EYS: variants seen among roughly 807,000 people sequenced by gnomAD.
EYS encodes EGF-like photoreceptor maintenance factor, also known as protein eyes shut homolog.
In EYS, 250 loss-of-function variants were observed where a neutral mutation model predicts 282.1. The observed-to-expected ratio is 0.89, with a 90% CI of 0.80 to 0.98. The LOEUF (loss-of-function observed/expected upper bound fraction) is 0.98, where lower values mean the gene tolerates loss of function less well. Ranked by LOEUF, EYS falls within the 50% of genes least tolerant of loss-of-function variation. The probability of loss-of-function intolerance (pLI) is 0.00; values close to 1 mark genes in which losing one functional copy is unlikely to be tolerated. For synonymous variants in EYS, 1,355 were observed against 1,282.9 expected, an observed-to-expected ratio of 1.06 and a Z score of -1.20; for missense variants, 4,016 against 3,709.0, an observed-to-expected ratio of 1.08 and a Z score of -2.15.
intron 31 of EYS, among the ~76,000 whole-genome samples, chr6:64,159,288 C>T (rs1470585675): frequency 6.6e-5 from 10 of 152,148 alleles, no homozygotes; most frequent in South Asian, 4.2e-4. Context: ...AGGTCAGGCG[C>T]GGTGGCTCAC....
chr6:63,956,045 G>A (rs575593860), intron 35 of EYS, among the ~76,000 whole-genome samples: 125 of 152,126 alleles, frequency 8.2e-4, no homozygotes, highest in Non-Finnish European at 1.7e-3. Flanking sequence ...AATCCAGCTC[G>A]AAGCAGCCTT....
intron 35 of EYS, among the ~76,000 whole-genome samples, chr6:63,900,903 CA>C (rs1220417364): frequency 6.6e-6 from 1 of 152,050 alleles, no homozygotes; most frequent in African/African-American, 2.4e-5. Context: ...TGGAAGAAAA[CA>C]ACAACCGTGA....
At chr6:65,303,322 C>T in intron 11 of EYS, 1 of 791,502 alleles carries the variant, frequency 1.3e-6, no homozygotes, top group Non-Finnish European at 2.3e-6. Context: ...TAACTCTCTC[C>T]ACCAAACAAG....
intron 26 of EYS, among the ~76,000 whole-genome samples, chr6:64,536,018 T>C (rs977656942): frequency 6.6e-6 from 1 of 152,066 alleles, no homozygotes; most frequent in African/African-American, 2.4e-5. Context: ...TAGACTCTGA[T>C]GAGAATATGA....
Position 64,683,043 on chromosome 6 carries a change from A to T in EYS, c.3444-56798T>A, listed in dbSNP as rs181042570. ...AGAGCATGAGGATATAGAAGGAAGC[A>T]GTAGCCGCAAGGCTGAGAGAGCCCA... On this transcript the variant is annotated intron_variant, in intron 22 of 42. Coordinates refer to ENST00000503581, the MANE Select transcript of EYS (RefSeq NM_001142800.2). Among the ~76,000 whole-genome samples the T allele has an allele frequency of 3.4e-4, 52 of 152,336 alleles. 1 individual carries two copies. In the East Asian group the frequency reaches 9.5e-3, roughly 28 times the overall value.
At position 63,995,983 on chromosome 6, in the gene EYS, G is replaced by A. The variant is rs532065142; in HGVS notation, c.6834+3092C>T. Among the ~76,000 whole-genome samples, 16 of 151,746 alleles carry A rather than the reference G, an allele frequency of 1.1e-4. 2 individuals are homozygous for A. The South Asian group carries it at 2.7e-3, about 26-fold the overall frequency. On this transcript the variant is annotated intron_variant, in intron 34 of 42. Coordinates refer to ENST00000503581, the MANE Select transcript of EYS (RefSeq NM_001142800.2). ...CACAAAGAAATGATAAATATTTGAG[G>A]TAATGGATATGCTAATTTGCTGAAT...
intron 31 of EYS, among the ~76,000 whole-genome samples, chr6:64,119,848 T>C (rs924801717): frequency 2.0e-5 from 3 of 152,228 alleles, no homozygotes; most frequent in Non-Finnish European, 4.4e-5. Context: ...TGCACCTTAT[T>C]TTCCATGGCA....
intron 26 of EYS, among the ~76,000 whole-genome samples, chr6:64,484,938 A>G (rs988747740): frequency 6.6e-6 from 1 of 151,664 alleles, no homozygotes; most frequent in African/African-American, 2.4e-5. Flanking sequence ...GTTAAATGCT[A>G]TTCTAATAAG....
intron 12 of EYS, among the ~76,000 whole-genome samples, chr6:65,245,698 A>T (rs1301866823): frequency 1.4e-5 from 2 of 141,678 alleles, no homozygotes; most frequent in African/African-American, 5.7e-5. Flanking sequence ...TAAAAAAAGT[A>T]AAAAAAAAAA....
intron 18 of EYS, among the ~76,000 whole-genome samples, chr6:64,887,231 G>A (rs1393463510): frequency 7.3e-6 from 1 of 137,742 alleles, no homozygotes; most frequent in East Asian, 2.3e-4. Context: ...AGTGAACAAT[G>A]AGAACACATG....
intron 26 of EYS, among the ~76,000 whole-genome samples, chr6:64,582,173 C>T (rs1025471957): frequency 6.6e-6 from 1 of 152,170 alleles, no homozygotes; most frequent in Non-Finnish European, 1.5e-5. Context: ...ATATGTAAAC[C>T]AGTGGTCTCC....
intron 35 of EYS, among the ~76,000 whole-genome samples, chr6:63,914,764 A>C (rs2149739996): frequency 6.6e-6 from 1 of 152,114 alleles, no homozygotes; most frequent in East Asian, 1.9e-4. Flanking sequence ...ATATGGAGCA[A>C]GTTTTAGTGG....
intron 14 of EYS, among the ~76,000 whole-genome samples, chr6:64,993,109 G>A (rs1465016032): frequency 6.6e-6 from 1 of 151,948 alleles, no homozygotes; most frequent in East Asian, 1.9e-4. Context: ...AGCAAAGGCT[G>A]TTCCCCATTA....
At chr6:65,164,152 T>C (rs1764914568) in intron 12 of EYS, among the ~76,000 whole-genome samples, 1 of 151,432 alleles carries the variant, frequency 6.6e-6, no homozygotes, top group African/African-American at 2.4e-5. Context: ...AAGTATACAT[T>C]TATACATTTG....
At chr6:64,975,569 G>A (rs539030438) in intron 14 of EYS, among the ~76,000 whole-genome samples, 14 of 151,734 alleles carry the variant, frequency 9.2e-5, no homozygotes, top group Admixed American at 2.0e-4. Context: ...AATAAATAAA[G>A]CCCTGAAGAC....
intron 19 of EYS, among the ~76,000 whole-genome samples, chr6:64,880,029 T>C (rs1389566279): frequency 6.6e-6 from 1 of 151,988 alleles, no homozygotes; most frequent in Non-Finnish European, 1.5e-5. Context: ...TCATACCTTT[T>C]CCAGAGCTGT....
intron 2 of EYS, among the ~76,000 whole-genome samples, chr6:65,497,582 A>G (rs1003188750): frequency 2.0e-5 from 3 of 152,040 alleles, no homozygotes; most frequent in Non-Finnish European, 4.4e-5. Context: ...TATATCAAGA[A>G]GGAGCAGCCA....
At chr6:65,016,274 T>C (rs941903507) in intron 13 of EYS, among the ~76,000 whole-genome samples, 1 of 152,126 alleles carries the variant, frequency 6.6e-6, no homozygotes, top group Non-Finnish European at 1.5e-5. Flanking sequence ...CTTTCAAATG[T>C]ATGGATGACT....
chr6:64,910,783 C>T (rs1027252843), intron 16 of EYS, among the ~76,000 whole-genome samples: 6 of 151,874 alleles, frequency 4.0e-5, no homozygotes, highest in African/African-American at 1.5e-4. Context: ...TTCCCTAAAC[C>T]CGTAGCAGGA....
Sources: allele counts gnomAD v4.1 joint callset (sites outside exome capture counted in the v4.1 genomes callset), GRCh38; gene constraint gnomAD v4.1.1; transcripts MANE v1.5; gene names NCBI Gene and HGNC (gene_info 2026-07-23, HGNC 2026-07-21).